SLC9A2: variants seen among roughly 807,000 people sequenced by gnomAD.
SLC9A2 encodes the protein sodium/hydrogen exchanger 2.
Under a neutral mutation model 71.7 loss-of-function variants are expected in SLC9A2, and 42 were observed. That is an observed-to-expected ratio of 0.59 (90% confidence interval 0.46 to 0.76). The LOEUF (loss-of-function observed/expected upper bound fraction) is 0.76. SLC9A2 is among the 30% of genes least tolerant of loss of function. SLC9A2 has a pLI of 0.00. For synonymous variants in SLC9A2, 396 were observed against 392.5 expected (o/e 1.01, Z -0.10); for missense variants, 829 against 1,017.4 (o/e 0.81, Z 2.52).
intron 5 of SLC9A2, among the ~76,000 whole-genome samples, chr2:102,685,314 G>A (rs1299410465): frequency 3.3e-5 from 5 of 152,298 alleles, no homozygotes; most frequent in African/African-American, 1.2e-4. Context: ...AGGGTCTGGA[G>A]TCCTACATCA....
chr2:102,679,418 G>T (rs1278990834), intron 3 of SLC9A2, among the ~76,000 whole-genome samples: 1 of 150,776 alleles, frequency 6.6e-6, no homozygotes, highest in Non-Finnish European at 1.5e-5. Context: ...GTCTTGCTCG[G>T]TTGCCCAGGC....
intron 1 of SLC9A2, among the ~76,000 whole-genome samples, chr2:102,646,823 A>G (rs2104512075): frequency 6.7e-6 from 1 of 148,406 alleles, no homozygotes; most frequent in South Asian, 2.2e-4. Flanking sequence ...TTCATAAAGC[A>G]AGTTCTTAGA....
chr2:102,643,769 C>T (rs1676658345), intron 1 of SLC9A2, among the ~76,000 whole-genome samples: 2 of 151,856 alleles, frequency 1.3e-5, no homozygotes, highest in African/African-American at 4.8e-5. Flanking sequence ...TTTCATTTTT[C>T]ACTTTTGTTT....
intron 1 of SLC9A2, among the ~76,000 whole-genome samples, chr2:102,653,492 G>T (rs1489877223): frequency 2.6e-5 from 4 of 152,116 alleles, no homozygotes; most frequent in African/African-American, 9.7e-5. Flanking sequence ...TGTTTTATTT[G>T]CTGCTTCTTG....
intron 1 of SLC9A2, among the ~76,000 whole-genome samples, chr2:102,633,952 C>T (rs546144786): frequency 1.3e-5 from 2 of 152,214 alleles, no homozygotes; most frequent in South Asian, 2.1e-4. Context: ...TATAGAAACA[C>T]ATGTACATAT....
intron 1 of SLC9A2, among the ~76,000 whole-genome samples, chr2:102,636,584 G>A (rs1285766332): frequency 6.6e-6 from 1 of 152,180 alleles, no homozygotes; most frequent in Non-Finnish European, 1.5e-5. Flanking sequence ...TCCCTGGAAA[G>A]CTTTATATGG....
At chr2:102,702,112 G>A (rs1677884508) in intron 8 of SLC9A2, among the ~76,000 whole-genome samples, 1 of 152,188 alleles carries the variant, frequency 6.6e-6, no homozygotes, top group Non-Finnish European at 1.5e-5. Flanking sequence ...TATTTATGGA[G>A]TGTTAGAAAT....
rs546738235 is a variant in SLC9A2 at position 102,711,019 on chromosome 2, T to C, written c.*2530T>C. The C allele has an allele frequency of 1.3e-5, 2 of 152,486 alleles. No homozygotes were observed. The highest frequency in any genetic ancestry group is 2.1e-4 in the South Asian group (1 of 4,830). The allele number at this position is 152,486 out of a possible 1,614,324, so 9.4% of individuals were successfully genotyped here. On this transcript the variant is annotated 3_prime_UTR_variant, in exon 12 of 12. Transcript: ENST00000233969. ...ACTAGAAATTGGCTTCAAAGTCTAA[T>C]ACTTTTAAAAGCATGTGTTTTGTGT...
At chr2:102,697,328 T>G (rs770527430) in intron 7 of SLC9A2, 1 of 151,934 alleles carries the variant, frequency 6.6e-6, no homozygotes, top group Non-Finnish European at 1.5e-5. Context: ...TCAGAGAAAG[T>G]CTGGCTACGT....
intron 3 of SLC9A2, among the ~76,000 whole-genome samples, chr2:102,670,351 A>C (rs1033610069): frequency 7.9e-5 from 12 of 151,976 alleles, no homozygotes; most frequent in African/African-American, 2.9e-4. Flanking sequence ...TTGATGGATT[A>C]ATAATTCCTT....
chr2:102,665,996 A>AC (rs1365917630), intron 3 of SLC9A2, among the ~76,000 whole-genome samples: 1 of 151,956 alleles, frequency 6.6e-6, no homozygotes, highest in Non-Finnish European at 1.5e-5. Context: ...AGGGTTGCCC[A>AC]CGTGGGAACC....
At chr2:102,635,843 G>A (rs566902979) in intron 1 of SLC9A2, among the ~76,000 whole-genome samples, 8 of 151,490 alleles carry the variant, frequency 5.3e-5, no homozygotes, top group Non-Finnish European at 1.2e-4. Context: ...TGATAAGATA[G>A]CTAATCTGTT....
At chr2:102,676,679 G>A (rs1677351230) in intron 3 of SLC9A2, among the ~76,000 whole-genome samples, 1 of 152,192 alleles carries the variant, frequency 6.6e-6, no homozygotes, top group African/African-American at 2.4e-5. Context: ...TCTGGAAGAA[G>A]CAATTCACTG....
intron 1 of SLC9A2, among the ~76,000 whole-genome samples, chr2:102,640,077 C>T (rs2104507351): frequency 6.6e-6 from 1 of 152,274 alleles, no homozygotes; most frequent in East Asian, 1.9e-4. Flanking sequence ...TTGGAGTCTC[C>T]AGTTAAAACA....
chr2:102,662,640 G>A lies in SLC9A2; in HGVS notation c.754-2460G>A, dbSNP rs559214315. 2.6e-5 allele frequency among the ~76,000 whole-genome samples: 4 copies of A among 152,290 alleles called. No individual in the cohort carries two copies. The South Asian group carries it at 8.3e-4, about 32-fold the overall frequency. ...ATAGGTAAAGGTTCCCTAGATTTAG[G>A]TGCAGGTTGCTGGCAAGAGAAAGGA... On this transcript the variant is annotated intron_variant, in intron 2 of 11. Transcript: ENST00000233969.
At chr2:102,680,975 G>C (rs765134344) in intron 3 of SLC9A2, among the ~76,000 whole-genome samples, 1 of 152,132 alleles carries the variant, frequency 6.6e-6, no homozygotes, top group African/African-American at 2.4e-5. Flanking sequence ...CCTCCAGAAG[G>C]AAAAAGCTTT....
intron 1 of SLC9A2, among the ~76,000 whole-genome samples, chr2:102,651,934 TTTGTTGTTG>T (rs59150838): frequency 6.6e-6 from 1 of 151,316 alleles, no homozygotes; most frequent in Non-Finnish European, 1.5e-5. Flanking sequence ...GATAAGGGTT[TTTGTTGTTG>T]TTGTTGTTGT....
chr2:102,626,815 T>A (rs1676258734), intron 1 of SLC9A2, among the ~76,000 whole-genome samples: 1 of 152,112 alleles, frequency 6.6e-6, no homozygotes, highest in Non-Finnish European at 1.5e-5. Context: ...AACAGACACA[T>A]GAAAAAATGC....
intron 5 of SLC9A2, 42 bp downstream of exon 5, chr2:102,684,378 G>A (rs373388630): frequency 2.2e-5 from 34 of 1,552,856 alleles, no homozygotes; most frequent in African/African-American, 9.5e-5. Flanking sequence ...AAAAAATATC[G>A]TTCAGAATAT....
Sources: gnomAD v4.1 joint callset for allele counts (sites outside exome capture counted in the v4.1 genomes callset) on GRCh38, gnomAD v4.1.1 for gene constraint, MANE v1.5 for transcripts, NCBI Gene and HGNC (gene_info 2026-07-23, HGNC 2026-07-21) for gene names.